Variants in STK24 observed in about 807,000 individuals in gnomAD.
STK24 encodes serine/threonine-protein kinase 24.
Under a neutral mutation model 55.6 loss-of-function variants are expected in STK24, and 21 were observed. That is an observed-to-expected ratio of 0.38 (90% CI 0.27 to 0.54). STK24 has a LOEUF of 0.54. STK24 is among the 20% of genes least tolerant of loss of function. The pLI is 0.79. For missense variants in STK24, 383 were observed against 538.4 expected, an observed-to-expected ratio of 0.71 and a Z score of 2.86; for synonymous variants, 200 against 215.2, an observed-to-expected ratio of 0.93 and a Z score of 0.62.
intron 5 of STK24, among the ~76,000 whole-genome samples, chr13:98,473,933 TTC>T (rs1894263768): frequency 6.6e-6 from 1 of 152,164 alleles, no homozygotes; most frequent in Non-Finnish European, 1.5e-5. Flanking sequence ...CTGGGAAGAT[TTC>T]TGTTTAAAAG....
At chr13:98,517,699 G>A (rs77333563) in intron 2 of STK24, among the ~76,000 whole-genome samples, 1,577 of 152,170 alleles carry the variant, frequency 0.01, 26 homozygotes, top group African/African-American at 0.035. Context: ...TAGTGCTTTC[G>A]TTTTTGCTGT....
chr13:98,446,878 A>G lies in STK24; in HGVS notation c.*6295T>C. 1 of 1,573,558 alleles carries G rather than the reference A, an allele frequency of 6.4e-7. No homozygotes were observed. The highest frequency in any genetic ancestry group is 8.7e-7 in the Non-Finnish European group (1 of 1,147,732). On this transcript the variant is annotated 3_prime_UTR_variant, in exon 11 of 11. Coordinates refer to ENST00000539966, the MANE Select transcript of STK24 (RefSeq NM_001032296.4). ...AAGAGGACCCCCTCTTCCAAACATC[A>G]GGATTTCTCCCAAGTCAGCGAGTGA...
intron 5 of STK24, among the ~76,000 whole-genome samples, chr13:98,466,990 T>A (rs940414295): frequency 6.6e-6 from 1 of 152,072 alleles, no homozygotes; most frequent in Non-Finnish European, 1.5e-5. Flanking sequence ...GATACCTGGG[T>A]TGAAATGCCA....
intron 1 of STK24, among the ~76,000 whole-genome samples, chr13:98,526,108 T>C (rs1379848036): frequency 6.6e-6 from 1 of 152,144 alleles, no homozygotes. Flanking sequence ...GGCAGTATGC[T>C]GGGGTGAAAG....
intron 2 of STK24, among the ~76,000 whole-genome samples, chr13:98,500,496 G>A (rs1895411120): frequency 6.6e-6 from 1 of 152,184 alleles, no homozygotes; most frequent in South Asian, 2.1e-4. Context: ...AAAGCTCTGA[G>A]AATACTGTAA....
At chr13:98,492,259 G>C (rs1159663167) in intron 2 of STK24, among the ~76,000 whole-genome samples, 1 of 152,096 alleles carries the variant, frequency 6.6e-6, no homozygotes, top group Admixed American at 6.6e-5. Context: ...GGAGGAAGAG[G>C]AGGAGGAAGA....
chr13:98,537,683 C>T (rs542903614), intron 1 of STK24, among the ~76,000 whole-genome samples: 53 of 152,182 alleles, frequency 3.5e-4, no homozygotes, highest in African/African-American at 1.3e-3. Context: ...GAGGAGGTGG[C>T]GATCTTTATA....
At chr13:98,517,971 T>C (rs1453072529) in intron 2 of STK24, among the ~76,000 whole-genome samples, 1 of 152,184 alleles carries the variant, frequency 6.6e-6, no homozygotes, top group Non-Finnish European at 1.5e-5. Context: ...TTGTAACATA[T>C]GATATATACC....
intron 1 of STK24, among the ~76,000 whole-genome samples, chr13:98,530,090 AACACACACAGATAT>A (rs1293587266): frequency 3.7e-5 from 4 of 107,750 alleles, no homozygotes; most frequent in African/African-American, 1.5e-4. Flanking sequence ...TGTGGGTGCA[AACACACACAGATAT>A]ACACACACAC....
intron 1 of STK24, among the ~76,000 whole-genome samples, chr13:98,571,480 A>C (rs1334869143): frequency 1.3e-5 from 2 of 152,162 alleles, no homozygotes; most frequent in Admixed American, 1.3e-4. Context: ...GCTATCAAGA[A>C]TACTCCCAGA....
intron 1 of STK24, among the ~76,000 whole-genome samples, chr13:98,525,509 TG>T (rs1160468236): frequency 6.6e-6 from 1 of 152,102 alleles, no homozygotes; most frequent in Non-Finnish European, 1.5e-5. Context: ...GGGGCGGGGA[TG>T]GGAGCAGCCT....
intron 1 of STK24, among the ~76,000 whole-genome samples, chr13:98,559,061 T>C (rs1019571212): frequency 8.9e-5 from 13 of 145,670 alleles, no homozygotes; most frequent in African/African-American, 3.3e-4. Flanking sequence ...TGGAGGCACA[T>C]GCCTATAATC....
chr13:98,506,733 C>G (rs928758414), intron 2 of STK24, among the ~76,000 whole-genome samples: 1 of 152,156 alleles, frequency 6.6e-6, no homozygotes, highest in Admixed American at 6.5e-5. Flanking sequence ...TGAGCATCGG[C>G]GAAGCACTAA....
In STK24 at chr13:98,474,262, T is replaced by C. The variant is rs542832126; in HGVS notation, c.597+559A>G. ...AAGAAAGGGTTAGGGTTTCATCACA[T>C]GTTGACAAGGACAGGCTGGGAACGA... On this transcript the variant is annotated intron_variant, in intron 5 of 10. Transcript: ENST00000539966. Among the ~76,000 whole-genome samples the C allele has an allele frequency of 2.5e-4, 38 of 152,308 alleles. No homozygotes were observed. In the South Asian group the frequency reaches 5.2e-3, roughly 21 times the overall value.
At chr13:98,527,155 T>G (rs1297502545) in intron 1 of STK24, among the ~76,000 whole-genome samples, 1 of 152,142 alleles carries the variant, frequency 6.6e-6, no homozygotes, top group South Asian at 2.1e-4. Context: ...TGAGAATAAC[T>G]GAAAAATCAG....
chr13:98,503,534 A>G (rs1178383130), intron 2 of STK24, among the ~76,000 whole-genome samples: 1 of 152,208 alleles, frequency 6.6e-6, no homozygotes, highest in African/African-American at 2.4e-5. Flanking sequence ...TCCAAAAGAA[A>G]GGGCAAGGGC....
chr13:98,539,661 A>G (rs1896832191), intron 1 of STK24, among the ~76,000 whole-genome samples: 1 of 152,230 alleles, frequency 6.6e-6, no homozygotes, highest in Non-Finnish European at 1.5e-5. Context: ...TACTAGGTCC[A>G]TAATGGCAAC....
At chr13:98,514,739 T>C (rs925240536) in intron 2 of STK24, among the ~76,000 whole-genome samples, 1 of 152,226 alleles carries the variant, frequency 6.6e-6, no homozygotes, top group African/African-American at 2.4e-5. Context: ...GCTTGATGTT[T>C]GAGAGGAATA....
intron 1 of STK24, among the ~76,000 whole-genome samples, chr13:98,563,906 C>A (rs1480668333): frequency 1.3e-5 from 2 of 149,588 alleles, no homozygotes; most frequent in South Asian, 2.1e-4. Flanking sequence ...TGAATTGTAA[C>A]AAGCCTCAGA....
Sources: gnomAD v4.1 joint callset for allele counts (sites outside exome capture counted in the v4.1 genomes callset) on GRCh38, gnomAD v4.1.1 for gene constraint, MANE v1.5 for transcripts, NCBI Gene and HGNC (gene_info 2026-07-23, HGNC 2026-07-21) for gene names.